SBK1: variants seen among roughly 807,000 people sequenced by gnomAD.
SBK1 encodes serine/threonine-protein kinase SBK1.
SBK1 carries 11 observed loss-of-function variants against 24.4 expected under a neutral mutation model. The ratio of observed to expected loss-of-function variants is 0.45; its 90% confidence interval spans 0.28 to 0.75. The LOEUF (loss-of-function observed/expected upper bound fraction) is 0.75, where lower values mean the gene tolerates loss of function less well. SBK1 is among the 30% of genes least tolerant of loss of function. The pLI is 0.12. For missense variants in SBK1, 467 were observed against 620.5 expected, an observed-to-expected ratio of 0.75 and a Z score of 2.63; for synonymous variants, 308 against 284.4, an observed-to-expected ratio of 1.08 and a Z score of -0.83.
At chr16:28,274,433 C>G (rs541271421) in intron 1 of SBK1, among the ~76,000 whole-genome samples, 1 of 151,952 alleles carries the variant, frequency 6.6e-6, no homozygotes, top group African/African-American at 2.4e-5. Flanking sequence ...GCAGAGCACC[C>G]GAGGTCTGGA....
chr16:28,317,248 T>A lies in SBK1; in HGVS notation c.-7-137T>A. The stretch of plus-strand genomic sequence containing the variant: ...GAAGGCGACGCGACCAAGATGCTTG[T>A]CGCCCCCTTGTGGTTATCTTGGGCC... On this transcript the variant is annotated intron_variant, in intron 1 of 3. Coordinates refer to ENST00000341901, the MANE Select transcript of SBK1 (RefSeq NM_001024401.3). This position sits in a 1 kb window ranked among gnomAD's most constrained non-coding sequence, Gnocchi z 4.2. 2 of 652,938 alleles carry A rather than the reference T, an allele frequency of 3.1e-6. No homozygotes were observed. Among genetic ancestry groups the A allele is most frequent in the East Asian group, 5.5e-5 (2 of 36,672 alleles). The allele number at this position is 652,938 out of a possible 1,614,324, so 40.4% of individuals were successfully genotyped here.
At chr16:28,318,739 T>G (rs1019315808) in intron 2 of SBK1, among the ~76,000 whole-genome samples, 2 of 151,876 alleles carry the variant, frequency 1.3e-5, no homozygotes, top group Non-Finnish European at 2.9e-5. Flanking sequence ...ATGAGAGAGG[T>G]GGAGGGCATC....
intron 1 of SBK1, among the ~76,000 whole-genome samples, chr16:28,265,252 T>A (rs1010953511): frequency 6.7e-6 from 1 of 149,858 alleles, no homozygotes; most frequent in African/African-American, 2.5e-5. Context: ...CCATCTCTAT[T>A]AAAAAAAGAA....
rs557235211 is a variant in SBK1 at position 28,321,040 on chromosome 16, G to A, written c.*119G>A. 119 of 944,088 alleles carry A rather than the reference G, an allele frequency of 1.3e-4. No individual in the cohort carries two copies. The African/African-American group carries it at 2.0e-3, about 16-fold the overall frequency. 58.5% of individuals were successfully genotyped at this position (944,088 alleles called of 1,614,324 possible). Reference sequence around the variant, plus strand: ...GGGCAGGGGGCGCAGCGGTAGACTAGGCAGGACGCGGCCCGGCACCTGGTC... The same window carrying A: ...GGGCAGGGGGCGCAGCGGTAGACTAAGCAGGACGCGGCCCGGCACCTGGTC... On this transcript the variant is annotated 3_prime_UTR_variant, in exon 4 of 4. Transcript: ENST00000341901.
intron 1 of SBK1, among the ~76,000 whole-genome samples, chr16:28,303,300 T>A (rs1354143155): frequency 6.6e-6 from 1 of 151,762 alleles, no homozygotes; most frequent in Non-Finnish European, 1.5e-5. Context: ...CAGGGACCAG[T>A]TAGTAAGTTG....
rs181391626 is a variant in SBK1, at chr16:28,281,923, G to A, written c.257+22421G>A. On this transcript the variant is annotated intron_variant, in intron 1 of 3. Transcript: ENST00000671413. ...GAGCCATGGCCTGGGAGAGGTTAAA[G>A]GGGTAAAAAGTGGGCTGGAAGGATT... Among the ~76,000 whole-genome samples the A allele has an allele frequency of 2.1e-3, 324 of 152,196 alleles. 1 individual carries two copies. The highest frequency in any genetic ancestry group is 7.2e-3 in the African/African-American group (299 of 41,508).
intron 1 of SBK1, among the ~76,000 whole-genome samples, chr16:28,312,185 C>A (rs1293208308): frequency 6.6e-6 from 1 of 152,206 alleles, no homozygotes; most frequent in Non-Finnish European, 1.5e-5. Flanking sequence ...AAGAGGGCTG[C>A]GTGCTCATCA....
intron 1 of SBK1, among the ~76,000 whole-genome samples, chr16:28,294,641 C>T (rs1191259700): frequency 6.6e-6 from 1 of 152,234 alleles, no homozygotes; most frequent in Non-Finnish European, 1.5e-5. Context: ...TGACCCTACA[C>T]CTGAAGCAGC....
chr16:28,320,817 G>A lies in SBK1; in HGVS notation c.1171G>A (p.Glu391Lys), dbSNP rs776497435. Residue 391 changes from glutamate to lysine, a missense_variant, in exon 4 of 4, where the codon GAG (glutamate) becomes AAG (lysine). Physicochemically the swap from Glu to Lys is moderately conservative, Grantham distance 56. Coordinates refer to ENST00000341901, the MANE Select transcript of SBK1 (RefSeq NM_001024401.3). This position sits in a 1 kb window ranked among gnomAD's most constrained non-coding sequence, Gnocchi z 8.5. The part of the protein sequence containing the change: ...VPVPVPVPVP[E>K]PGLAPQGPPG... ...AGTGCCCGTGCCGGTGCCTGTGCCCGAGCCCGGCCTAGCTCCCCAGGGGCC... is the reference window on the plus strand; with the variant it reads ...AGTGCCCGTGCCGGTGCCTGTGCCCAAGCCCGGCCTAGCTCCCCAGGGGCC... 3.4e-6 allele frequency: 5 copies of A among 1,451,928 alleles called. No individual in the cohort carries two copies. The highest frequency in any genetic ancestry group is 1.5e-5 in the African/African-American group (1 of 66,708). 89.9% of individuals were successfully genotyped at this position (1,451,928 alleles called of 1,614,324 possible).
intron 1 of SBK1, among the ~76,000 whole-genome samples, chr16:28,301,461 C>A (rs2044678239): frequency 6.6e-6 from 1 of 152,164 alleles, no homozygotes; most frequent in South Asian, 2.1e-4. Context: ...GAGTTCACAG[C>A]CCCGGGAACC....
chr16:28,287,098 G>GAAAT (rs2044569986), intron 1 of SBK1: 2 of 148,940 alleles, frequency 1.3e-5, no homozygotes, highest in South Asian at 4.3e-4. Flanking sequence ...TACATCTCAA[G>GAAAT]AAATAAATAA....
chr16:28,317,500 C>G lies in SBK1; in HGVS notation c.109C>G (p.Gln37Glu), dbSNP rs1277655615. The stretch of plus-strand genomic sequence containing the variant: ...TGTGCCCCTTCTCACTGAAGACATG[C>G]AGGCCCTGACTCTCCGCACACTGGC... ...AGVPLLTEDM[Q>E]ALTLRTLAAS... The change falls in exon 2 of 4, where the codon CAG becomes GAG. Residue 37 changes from glutamine (Q) to glutamate (E), a missense_variant. By Grantham distance (29) the Gln-to-Glu change is conservative. Transcript: ENST00000341901. The surrounding 1 kb of genome is among the most constrained non-coding windows in gnomAD (Gnocchi z 4.2). 5.0e-6 allele frequency: 8 copies of G among 1,614,146 alleles called. No individual in the cohort carries two copies. The highest frequency in any genetic ancestry group is 1.7e-5 in the Admixed American group (1 of 60,012).
At position 28,320,645 on chromosome 16, in the gene SBK1, C is replaced by T. The variant is rs566370562; in HGVS notation, c.999C>T (p.Pro333=). ...RRPSHRARKP[P]GDRPPAAGPL... ...CCTCGCACCGCGCGCGCAAGCCCCC[C>T]GGGGACCGCCCGCCCGCCGCCGGGC... Residue 333 remains proline, a synonymous_variant, in exon 4 of 4, where the codon CCC becomes CCT. Transcript: ENST00000341901. This position sits in a 1 kb window ranked among gnomAD's most constrained non-coding sequence, Gnocchi z 8.5. 2.0e-3 allele frequency: 2,370 copies of T among 1,160,362 alleles called. 42 individuals carry two copies. The South Asian group carries it at 0.046, about 23-fold the overall frequency. The allele number at this position is 1,160,362 out of a possible 1,614,324, so 71.9% of individuals were successfully genotyped here.
chr16:28,322,931 C>CCTCTCTCTCT lies in SBK1; in HGVS notation c.*2050_*2059dup, dbSNP rs1160741491. On this transcript the variant is annotated 3_prime_UTR_variant, in exon 4 of 4. Coordinates refer to ENST00000341901, the MANE Select transcript of SBK1 (RefSeq NM_001024401.3). ...CTCTCTCGCGCGCGCTCTCTCTCTC[C>CCTCTCTCTCT]CTCTCTCTCTCTCTCTCTCTCTCTC... is the stretch of plus-strand genomic sequence containing the variant. 2.2e-3 allele frequency: 121 copies of CCTCTCTCTCT among 55,368 alleles called. 1 individual carries two copies. Among genetic ancestry groups the CCTCTCTCTCT allele is most frequent in the African/African-American group, 6.6e-3 (81 of 12,198 alleles). The allele number at this position is 55,368 out of a possible 1,614,324, so 3.4% of individuals were successfully genotyped here. A position where few individuals can be genotyped will look rare whatever the true frequency, so the allele number is the denominator to read the frequency against.
chr16:28,264,284 G>C (rs1416742446), intron 1 of SBK1, among the ~76,000 whole-genome samples: 2 of 151,978 alleles, frequency 1.3e-5, no homozygotes, highest in African/African-American at 2.4e-5. Context: ...GAAAAGACTT[G>C]GTGAGAACAT....
At chr16:28,279,827 G>A (rs1224202185) in intron 1 of SBK1, among the ~76,000 whole-genome samples, 1 of 151,990 alleles carries the variant, frequency 6.6e-6, no homozygotes, top group African/African-American at 2.4e-5. Context: ...CTGTGCATGG[G>A]GAGGCGGCCG....
At chr16:28,302,557 C>T (rs1044112663) in intron 1 of SBK1, among the ~76,000 whole-genome samples, 2 of 152,166 alleles carry the variant, frequency 1.3e-5, no homozygotes, top group African/African-American at 4.8e-5. Flanking sequence ...TCTGGCCCTT[C>T]TCTGGGGGTG....
At position 28,322,931 on chromosome 16, in the gene SBK1, C is replaced by CTCTCT. The variant is rs1184425008; in HGVS notation, c.*2010_*2011insTCTCT. 1.2e-3 allele frequency: 68 copies of CTCTCT among 55,392 alleles called. 3 individuals are homozygous for CTCTCT. Among genetic ancestry groups the CTCTCT allele is most frequent in the Non-Finnish European group, 1.9e-3 (52 of 28,010 alleles). The allele number at this position is 55,392 out of a possible 1,614,324, so 3.4% of individuals were successfully genotyped here. A position where few individuals can be genotyped will look rare whatever the true frequency, so the allele number is the denominator to read the frequency against. ...CTCTCTCGCGCGCGCTCTCTCTCTC[C>CTCTCT]CTCTCTCTCTCTCTCTCTCTCTCTC... On this transcript the variant is annotated 3_prime_UTR_variant, in exon 4 of 4. Transcript: ENST00000341901.
At chr16:28,281,888 G>A (rs1346691590) in intron 1 of SBK1, among the ~76,000 whole-genome samples, 2 of 152,094 alleles carry the variant, frequency 1.3e-5, no homozygotes, top group South Asian at 2.1e-4. Context: ...CAAATGGACC[G>A]GGCTGGGAAG....
Sources: allele counts gnomAD v4.1 joint callset (sites outside exome capture counted in the v4.1 genomes callset), GRCh38; gene constraint gnomAD v4.1.1; non-coding constraint Gnocchi (gnomAD v3.1); transcripts MANE v1.5; gene names NCBI Gene and HGNC (gene_info 2026-07-23, HGNC 2026-07-21).